Variants in CDH13 observed in about 807,000 individuals in gnomAD.
The protein encoded by CDH13 is cadherin 13, also known as cadherin-13.
CDH13 carries 24 observed loss-of-function variants against 63.8 expected under a neutral mutation model. The ratio of observed to expected loss-of-function variants is 0.38; its 90% CI spans 0.27 to 0.53. The LOEUF is 0.53. CDH13 is among the 20% of genes least tolerant of loss of function. The pLI is 0.85. For synonymous variants in CDH13, 503 were observed against 355.3 expected (o/e 1.42, Z -4.67); for missense variants, 1,049 against 903.1 (o/e 1.16, Z -2.07).
At chr16:83,478,547 C>T (rs2073672122) in intron 6 of CDH13, among the ~76,000 whole-genome samples, 1 of 152,112 alleles carries the variant, frequency 6.6e-6, no homozygotes, top group African/African-American at 2.4e-5. Context: ...GGGAGGGGTC[C>T]TTGTGCTGGT....
At chr16:83,071,382 A>G (rs1166966684) in intron 3 of CDH13, among the ~76,000 whole-genome samples, 1 of 152,250 alleles carries the variant, frequency 6.6e-6, no homozygotes, top group East Asian at 1.9e-4. Flanking sequence ...CTGCCCAGAG[A>G]TGCTCCCCTT....
chr16:83,280,853 G>A (rs2089148753), intron 5 of CDH13, among the ~76,000 whole-genome samples: 1 of 152,212 alleles, frequency 6.6e-6, no homozygotes. Context: ...TATTGTCAAT[G>A]AGCAGTAACA....
chr16:82,883,197 AT>A (rs2040765668), intron 2 of CDH13, among the ~76,000 whole-genome samples: 1 of 152,250 alleles, frequency 6.6e-6, no homozygotes, highest in African/African-American at 2.4e-5. Context: ...TGTGGAAAAT[AT>A]GACCTACTAA....
At chr16:83,135,893 C>T (rs1299947409) in intron 4 of CDH13, among the ~76,000 whole-genome samples, 1 of 152,114 alleles carries the variant, frequency 6.6e-6, no homozygotes, top group Non-Finnish European at 1.5e-5. Context: ...AGATTGGAGA[C>T]TATTATTCTA....
intron 5 of CDH13, among the ~76,000 whole-genome samples, chr16:83,247,717 C>T (rs1905108542): frequency 6.6e-6 from 1 of 152,178 alleles, no homozygotes; most frequent in Non-Finnish European, 1.5e-5. Flanking sequence ...TTGGCTTTCA[C>T]CATCTTGGAG....
intron 2 of CDH13, among the ~76,000 whole-genome samples, chr16:82,919,709 A>C (rs1224142609): frequency 6.6e-6 from 1 of 152,204 alleles, no homozygotes; most frequent in Non-Finnish European, 1.5e-5. Flanking sequence ...GGAGAAGGTA[A>C]GTTCTGGAAA....
chr16:83,240,927 C>A (rs1388532684), intron 5 of CDH13, among the ~76,000 whole-genome samples: 1 of 151,966 alleles, frequency 6.6e-6, no homozygotes, highest in Non-Finnish European at 1.5e-5. Flanking sequence ...TGTGACAAAT[C>A]TCCAGGACCT....
At chr16:83,010,174 C>G (rs1249774051) in intron 2 of CDH13, among the ~76,000 whole-genome samples, 1 of 108,938 alleles carries the variant, frequency 9.2e-6, no homozygotes, top group African/African-American at 3.6e-5. Flanking sequence ...AAGAATGGCT[C>G]AGGTAGGGGC....
chr16:82,945,241 C>T (rs535863383), intron 2 of CDH13, among the ~76,000 whole-genome samples: 11 of 152,238 alleles, frequency 7.2e-5, no homozygotes, highest in Admixed American at 5.2e-4. Flanking sequence ...CAACTGTGCC[C>T]GTGTAGTCCC....
intron 3 of CDH13, among the ~76,000 whole-genome samples, chr16:83,124,825 C>G (rs540841381): frequency 6.6e-5 from 10 of 152,228 alleles, no homozygotes; most frequent in African/African-American, 2.4e-4. Flanking sequence ...TCTTGAAGAT[C>G]AGTTGGTTGT....
intron 2 of CDH13, among the ~76,000 whole-genome samples, chr16:82,874,709 A>C (rs2040450134): frequency 1.3e-5 from 2 of 152,226 alleles, no homozygotes; most frequent in Non-Finnish European, 2.9e-5. Flanking sequence ...AAAACAGTTC[A>C]AAATATGAGT....
intron 5 of CDH13, among the ~76,000 whole-genome samples, chr16:83,271,533 A>AGC (rs147145759): frequency 6.8e-6 from 1 of 147,538 alleles, no homozygotes; most frequent in Non-Finnish European, 1.5e-5. Flanking sequence ...CAACAACAAA[A>AGC]AAAAACGCTG....
intron 5 of CDH13, among the ~76,000 whole-genome samples, chr16:83,341,885 T>A (rs1037892044): frequency 6.6e-6 from 1 of 152,104 alleles, no homozygotes. Flanking sequence ...CCATGTGTTT[T>A]GTATGGCTAT....
chr16:82,964,183 C>T (rs1907470316), intron 2 of CDH13, among the ~76,000 whole-genome samples: 1 of 152,180 alleles, frequency 6.6e-6, no homozygotes, highest in South Asian at 2.1e-4. Context: ...ATTAATAAAA[C>T]AATCTCAATG....
At chr16:83,176,718 A>C (rs912157352) in intron 4 of CDH13, among the ~76,000 whole-genome samples, 13 of 151,998 alleles carry the variant, frequency 8.6e-5, no homozygotes, top group African/African-American at 3.1e-4. Flanking sequence ...TGGGGTGGGT[A>C]TATATTATTA....
chr16:83,274,156 A>G (rs1018841844), intron 5 of CDH13, among the ~76,000 whole-genome samples: 1 of 152,204 alleles, frequency 6.6e-6, no homozygotes, highest in African/African-American at 2.4e-5. Context: ...AGGAAAGACC[A>G]GTGAAGTCTC....
chr16:83,293,855 G>A (rs2089522258), intron 5 of CDH13, among the ~76,000 whole-genome samples: 1 of 152,096 alleles, frequency 6.6e-6, no homozygotes, highest in Admixed American at 6.5e-5. Context: ...AACAATCAGA[G>A]CCATAATCTC....
At chr16:82,811,696 T>C (rs1036457829) in intron 1 of CDH13, among the ~76,000 whole-genome samples, 1 of 152,036 alleles carries the variant, frequency 6.6e-6, no homozygotes, top group East Asian at 1.9e-4. Flanking sequence ...GTTGCCATGG[T>C]GTCTTGTATT....
intron 2 of CDH13, among the ~76,000 whole-genome samples, chr16:82,886,395 T>A (rs2040887297): frequency 6.6e-6 from 1 of 152,240 alleles, no homozygotes; most frequent in African/African-American, 2.4e-5. Flanking sequence ...CCAGTGTATG[T>A]GTTATCACTG....
Sources: gnomAD v4.1 joint callset for allele counts (sites outside exome capture counted in the v4.1 genomes callset) on GRCh38, gnomAD v4.1.1 for gene constraint, MANE v1.5 for transcripts, NCBI Gene and HGNC (gene_info 2026-07-23, HGNC 2026-07-21) for gene names.